SLC27A4: variants seen among roughly 807,000 people sequenced by gnomAD.
SLC27A4 encodes long-chain fatty acid transport protein 4.
A neutral mutation model predicts 64.4 loss-of-function variants in SLC27A4; 33 were observed. The ratio of observed to expected loss-of-function variants is 0.51; its 90% CI spans 0.39 to 0.68. The LOEUF (loss-of-function observed/expected upper bound fraction) is 0.68. Among genes scored for constraint, SLC27A4 ranks in the 30% least tolerant of loss-of-function variants. The pLI is 0.00. For missense variants in SLC27A4, 824 were observed against 883.5 expected, an observed-to-expected ratio of 0.93 and a Z score of 0.85; for synonymous variants, 377 against 370.0, an observed-to-expected ratio of 1.02 and a Z score of -0.22.
At chr9:128,348,998 A>T (rs1220233312) in intron 4 of SLC27A4, among the ~76,000 whole-genome samples, 1 of 122,960 alleles carries the variant, frequency 8.1e-6, no homozygotes, top group African/African-American at 3.1e-5. Context: ...AATGGGCAGA[A>T]TCCTGTGGAC....
Position 128,343,302 on chromosome 9 carries a change from C to T in SLC27A4, c.161+9C>T. 2 of 1,614,122 alleles carry T rather than the reference C, an allele frequency of 1.2e-6. No homozygotes were observed. Among genetic ancestry groups the T allele is most frequent in the Non-Finnish European group, 1.7e-6 (2 of 1,180,012 alleles). On this transcript the variant is annotated intron_variant, in intron 2 of 12. Transcript: ENST00000300456. ...ATCAGGCGCGATATCTTGTGAGTACCTGGCCCAGCCTTTCCTGGGGTCTGC... is the reference window on the plus strand; with the variant it reads ...ATCAGGCGCGATATCTTGTGAGTACTTGGCCCAGCCTTTCCTGGGGTCTGC...
At chr9:128,351,755 TA>T (rs1025095059) in intron 6 of SLC27A4, among the ~76,000 whole-genome samples, 1 of 151,886 alleles carries the variant, frequency 6.6e-6, no homozygotes, top group Admixed American at 6.6e-5. Context: ...AATTTAAAAA[TA>T]AAAATAAACA....
intron 3 of SLC27A4, among the ~76,000 whole-genome samples, chr9:128,346,074 C>T (rs1451789858): frequency 6.6e-6 from 1 of 152,002 alleles, no homozygotes; most frequent in Non-Finnish European, 1.5e-5. Flanking sequence ...CTAAATTTCA[C>T]ATTTTTTGTA....
rs1832653962 is a variant in SLC27A4, at chr9:128,346,199, C to A, written c.556+650C>A. The stretch of plus-strand genomic sequence containing the variant: ...TATAGGCATGAACCACCACACCTGG[C>A]CTACTAAAAAAAGTTTTTTGTTTTT... On this transcript the variant is annotated intron_variant, in intron 3 of 12. Transcript: ENST00000300456. 1.3e-5 allele frequency among the ~76,000 whole-genome samples: 2 copies of A among 151,222 alleles called. 1 individual carries two copies. Among genetic ancestry groups the A allele is most frequent in the South Asian group, 4.2e-4 (2 of 4,796 alleles).
intron 6 of SLC27A4, among the ~76,000 whole-genome samples, chr9:128,351,217 T>C (rs552720228): frequency 6.1e-4 from 91 of 149,542 alleles, no homozygotes; most frequent in African/African-American, 2.2e-3. Flanking sequence ...TGAGCTGAGA[T>C]CACGCCACTG....
chr9:128,342,795 A>G (rs569999042), intron 1 of SLC27A4: 61 of 462,814 alleles, frequency 1.3e-4, no homozygotes, highest in South Asian at 7.4e-4. Flanking sequence ...CACTACACCC[A>G]TTGCACAGAG....
In SLC27A4 at chr9:128,352,765, G is replaced by A. The variant is rs1157231013; in HGVS notation, c.987+18G>A. 1 of 1,570,660 alleles carries A rather than the reference G, an allele frequency of 6.4e-7. No homozygotes were observed. The highest frequency in any genetic ancestry group is 8.8e-7 in the Non-Finnish European group (1 of 1,140,538). On this transcript the variant is annotated intron_variant, in intron 7 of 12. Coordinates refer to ENST00000300456, the MANE Select transcript of SLC27A4 (RefSeq NM_005094.4). ...ACTGCACGGTGAGCGAGAGCGGGAA[G>A]GGTGAGCTGTCCCTTTCCCCTAGTT...
Position 128,345,307 on chromosome 9 carries a change from G to T in SLC27A4, c.314G>T (p.Arg105Leu). 6.2e-7 allele frequency: 1 copy of T among 1,613,876 alleles called. No homozygotes were observed. Among genetic ancestry groups the T allele is most frequent in the Non-Finnish European group, 8.5e-7 (1 of 1,180,020 alleles). ...FEGTDTHWTFRQLDEYSSSVA... is the reference protein window; with the variant it reads ...FEGTDTHWTFLQLDEYSSSVA... ...GGCACAGATACCCACTGGACCTTCC[G>T]CCAGCTGGATGAGTACTCAAGCAGT... The change falls in exon 3 of 13, where the codon CGC becomes CTC. Residue 105 changes from arginine (R) to leucine (L), a missense_variant. By Grantham distance (102) the Arg-to-Leu change is moderately radical (BLOSUM62 -2). Coordinates refer to ENST00000300456, the MANE Select transcript of SLC27A4 (RefSeq NM_005094.4). The surrounding 1 kb of genome is among the most constrained non-coding windows in gnomAD (Gnocchi z 4.1).
Position 128,345,103 on chromosome 9 carries a change from C to T in SLC27A4, c.162-52C>T, listed in dbSNP as rs1380456589. The stretch of plus-strand genomic sequence containing the variant: ...AGCAGCCTGGGGTAGGGTGTCAGGA[C>T]CCCTCCCTCCCAACCATGGCAGACA... On this transcript the variant is annotated intron_variant, in intron 2 of 12. Coordinates refer to ENST00000300456, the MANE Select transcript of SLC27A4 (RefSeq NM_005094.4). This position sits in a 1 kb window ranked among gnomAD's most constrained non-coding sequence, Gnocchi z 4.1. The T allele has an allele frequency of 6.2e-7, 1 of 1,609,354 alleles. No homozygotes were observed. The highest frequency in any genetic ancestry group is 2.2e-5 in the East Asian group (1 of 44,856).
rs576916099 is a variant in SLC27A4 at position 128,350,983 on chromosome 9, C to T, written c.877+408C>T. On this transcript the variant is annotated intron_variant, in intron 6 of 12. Coordinates refer to ENST00000300456, the MANE Select transcript of SLC27A4 (RefSeq NM_005094.4). ...TGGCTCATGCCTGTAGGCCCAGCTACTCGGGAGGGTGAGGCAGGAGAATGG... is the reference window on the plus strand; with the variant it reads ...TGGCTCATGCCTGTAGGCCCAGCTATTCGGGAGGGTGAGGCAGGAGAATGG... 7.4e-4 allele frequency among the ~76,000 whole-genome samples: 112 copies of T among 152,158 alleles called. 4 individuals are homozygous for T. Among genetic ancestry groups the T allele is most frequent in the African/African-American group, 2.4e-3 (99 of 41,510 alleles).
chr9:128,343,650 T>G (rs1269690968), intron 2 of SLC27A4, among the ~76,000 whole-genome samples: 1 of 152,156 alleles, frequency 6.6e-6, no homozygotes, highest in Non-Finnish European at 1.5e-5. Flanking sequence ...GGCCCTGCCC[T>G]CAGGTTGGCA....
intron 2 of SLC27A4, among the ~76,000 whole-genome samples, chr9:128,344,861 G>C (rs961076137): frequency 1.3e-5 from 2 of 152,186 alleles, no homozygotes; most frequent in Admixed American, 1.3e-4. Flanking sequence ...GAGAGGCCTA[G>C]AGTTCAAATC....
rs2003560 is a variant in SLC27A4, at chr9:128,355,943, G to A, written c.1774+147G>A. On this transcript the variant is annotated intron_variant, in intron 12 of 12. Coordinates refer to ENST00000300456, the MANE Select transcript of SLC27A4 (RefSeq NM_005094.4). ...CCTGCCTGTGTAGAGGTGAGCAGAC[G>A]GGGCTGGCAGAGAAGACACACATTG... 70,120 of 1,038,350 alleles carry A rather than the reference G, an allele frequency of 0.068. 2,864 individuals are homozygous for A. Among genetic ancestry groups the A allele is most frequent in the Middle Eastern group, 0.13 (584 of 4,454 alleles). 64.3% of individuals were successfully genotyped at this position (1,038,350 alleles called of 1,614,324 possible). A position where few individuals can be genotyped will look rare whatever the true frequency, so the allele number is the denominator to read the frequency against.
chr9:128,353,611 G>A lies in SLC27A4; in HGVS notation c.1324+70G>A. The A allele has an allele frequency of 6.4e-7, 1 of 1,560,824 alleles. No homozygotes were observed. The highest frequency in any genetic ancestry group is 8.8e-7 in the Non-Finnish European group (1 of 1,142,388). ...GAAGGAGGCCAGGCGCGTGTGGATGGGGAGCCTTGTTCTGACCAGTGGCCA... is the reference window on the plus strand; with the variant it reads ...GAAGGAGGCCAGGCGCGTGTGGATGAGGAGCCTTGTTCTGACCAGTGGCCA... On this transcript the variant is annotated intron_variant, in intron 9 of 12. Coordinates refer to ENST00000300456, the MANE Select transcript of SLC27A4 (RefSeq NM_005094.4). This position sits in a 1 kb window ranked among gnomAD's most constrained non-coding sequence, Gnocchi z 4.9.
At chr9:128,360,225 C>T (rs1832877401) in intron 12 of SLC27A4, 109 bp from the exon 13 acceptor site, 1 of 1,239,572 alleles carries the variant, frequency 8.1e-7, no homozygotes, top group Non-Finnish European at 1.2e-6. Flanking sequence ...CCACTTCCCT[C>T]CCCTGTTTGT....
intron 3 of SLC27A4, among the ~76,000 whole-genome samples, chr9:128,347,409 A>G (rs1055886928): frequency 5.3e-5 from 8 of 152,272 alleles, no homozygotes; most frequent in African/African-American, 1.9e-4. Context: ...TGGTTGTGGG[A>G]TAATGAATAG....
chr9:128,356,550 G>A (rs761998732), intron 12 of SLC27A4, among the ~76,000 whole-genome samples: 31 of 152,170 alleles, frequency 2.0e-4, no homozygotes, highest in Admixed American at 5.9e-4. Context: ...CTGTAATCCC[G>A]GCACTTTGGG....
Position 128,343,308 on chromosome 9 carries a change from C to T in SLC27A4, c.161+15C>T. ...CGCGATATCTTGTGAGTACCTGGCC[C>T]AGCCTTTCCTGGGGTCTGCCACACT... On this transcript the variant is annotated intron_variant, in intron 2 of 12. Transcript: ENST00000300456. The T allele has an allele frequency of 6.2e-7, 1 of 1,614,088 alleles. No homozygotes were observed. Among genetic ancestry groups the T allele is most frequent in the Non-Finnish European group, 8.5e-7 (1 of 1,179,982 alleles).
intron 9 of SLC27A4, 100 bp from the exon 10 acceptor site, chr9:128,354,953 C>CAAA (rs139411337): frequency 5.6e-4 from 406 of 727,656 alleles, no homozygotes; most frequent in Middle Eastern, 1.4e-3. Context: ...AACTCCGTCT[C>CAAA]AAAAAAAAAA....
Sources: gnomAD v4.1 joint callset for allele counts (sites outside exome capture counted in the v4.1 genomes callset) on GRCh38, gnomAD v4.1.1 for gene constraint, Gnocchi (gnomAD v3.1) non-coding constraint, MANE v1.5 for transcripts, NCBI Gene and HGNC (gene_info 2026-07-23, HGNC 2026-07-21) for gene names.